The following KALRN variants were observed in gnomAD, a reference collection of about 807,000 sequenced individuals.
KALRN encodes kalirin.
Under a neutral mutation model 353.7 loss-of-function variants are expected in KALRN, and 70 were observed. The ratio of observed to expected loss-of-function variants is 0.20; its 90% CI spans 0.16 to 0.24. KALRN has a LOEUF of 0.24. KALRN is among the 10% of genes least tolerant of loss of function. The pLI is 1.00. For synonymous variants in KALRN, 1,391 were observed against 1,434.8 expected, an observed-to-expected ratio of 0.97 and a Z score of 0.69; for missense variants, 2,791 against 3,756.7, an observed-to-expected ratio of 0.74 and a Z score of 6.72.
intron 34 of KALRN, among the ~76,000 whole-genome samples, chr3:124,572,989 A>AT (rs2110079196): frequency 6.6e-6 from 1 of 152,268 alleles, no homozygotes; most frequent in South Asian, 2.1e-4. Context: ...GTGAGCTGCC[A>AT]TTGAGCCATT....
chr3:124,298,689 G>A, intron 5 of KALRN, 102 bp from the exon 6 acceptor site: 3 of 1,322,402 alleles, frequency 2.3e-6, no homozygotes, highest in Non-Finnish European at 3.2e-6. Flanking sequence ...TTCTCACTGA[G>A]CACCAGCAGG....
chr3:124,666,278 C>G (rs531468854), intron 45 of KALRN, among the ~76,000 whole-genome samples, 171 bp from the exon 46 acceptor site: 1 of 152,260 alleles, frequency 6.6e-6, no homozygotes, highest in African/African-American at 2.4e-5. Context: ...TGGCCAAGGT[C>G]GGCCCCTGGA....
At chr3:124,192,700 A>G (rs2075056973) in intron 1 of KALRN, among the ~76,000 whole-genome samples, 1 of 152,222 alleles carries the variant, frequency 6.6e-6, no homozygotes, top group African/African-American at 2.4e-5. Flanking sequence ...TATTGTACCT[A>G]CAAAGAGATA....
chr3:124,282,590 T>A, intron 5 of KALRN, among the ~76,000 whole-genome samples: 1 of 152,146 alleles, frequency 6.6e-6, no homozygotes, highest in Non-Finnish European at 1.5e-5. Flanking sequence ...TTGGTCAGGC[T>A]GGTCTTGAAC....
At chr3:124,109,038 C>T (rs1255866166) in intron 1 of KALRN, among the ~76,000 whole-genome samples, 1 of 152,188 alleles carries the variant, frequency 6.6e-6, no homozygotes, top group Non-Finnish European at 1.5e-5. Flanking sequence ...CCTTCTCCTG[C>T]TTCTCTTAAC....
Position 124,326,154 on chromosome 3 carries a change from C to T in KALRN, c.1267C>T (p.His423Tyr), listed in dbSNP as rs1321067563. ...CATCCTCGCCATGTCTGCTGTGTTC[C>T]ACCAGAAGGCTGAGCAGGTAAGGTG... ...STILAMSAVF[H>Y]QKAEQFLSGV... Residue 423 changes from histidine (H) to tyrosine (Y), a missense_variant, in exon 7 of 60, where the codon CAC becomes TAC. Transcript: ENST00000682506. 1 of 1,611,584 alleles carries T rather than the reference C, an allele frequency of 6.2e-7. No homozygotes were observed. The highest frequency in any genetic ancestry group is 1.3e-5 in the African/African-American group (1 of 74,894).
chr3:124,515,671 T>C (rs2066454269), intron 33 of KALRN, among the ~76,000 whole-genome samples: 1 of 152,216 alleles, frequency 6.6e-6, no homozygotes. Flanking sequence ...AACTCTAAGC[T>C]GAGAGCTGTT....
At chr3:124,140,795 G>C (rs897607890) in intron 1 of KALRN, among the ~76,000 whole-genome samples, 1 of 145,182 alleles carries the variant, frequency 6.9e-6, no homozygotes, top group Admixed American at 6.7e-5. Flanking sequence ...TTGCCCTCCC[G>C]GGGGGGGCAC....
intron 1 of KALRN, among the ~76,000 whole-genome samples, chr3:124,141,341 C>A (rs1421470678): frequency 6.6e-6 from 1 of 152,174 alleles, no homozygotes; most frequent in African/African-American, 2.4e-5. Flanking sequence ...TAGCCTCGCC[C>A]AACCCCACTT....
chr3:124,292,610 C>A (rs950256506), intron 5 of KALRN, among the ~76,000 whole-genome samples: 2 of 150,900 alleles, frequency 1.3e-5, no homozygotes, highest in Non-Finnish European at 3.0e-5. Flanking sequence ...GGACAGGCAC[C>A]TTTGGGCTGT....
At chr3:124,268,639 G>A in intron 4 of KALRN, 104 bp from the exon 5 acceptor site, 1 of 1,220,216 alleles carries the variant, frequency 8.2e-7, no homozygotes, top group South Asian at 1.4e-5. Flanking sequence ...GGCAGGCTGT[G>A]GTCATTATTA....
chr3:124,169,489 T>C lies in KALRN; in HGVS notation c.74-58501T>C, dbSNP rs557159795. 3.3e-5 allele frequency among the ~76,000 whole-genome samples: 5 copies of C among 152,246 alleles called. No individual in the cohort carries two copies. In the South Asian group the frequency reaches 6.2e-4, roughly 19 times the overall value. ...TCTTCAGCTGTGGGCTCTAGCTGCATAGGGCTTGATACTTGTGGGTAATTT... is the reference window on the plus strand; with the variant it reads ...TCTTCAGCTGTGGGCTCTAGCTGCACAGGGCTTGATACTTGTGGGTAATTT... On this transcript the variant is annotated intron_variant, in intron 1 of 59. Coordinates refer to ENST00000682506, the MANE Select transcript of KALRN (RefSeq NM_001388419.1).
chr3:124,678,609 C>T (rs1246932330), intron 50 of KALRN: 8 of 218,424 alleles, frequency 3.7e-5, no homozygotes, highest in Non-Finnish European at 4.6e-5. Context: ...ATGTGAGATG[C>T]TTGATTCATA....
intron 34 of KALRN, among the ~76,000 whole-genome samples, chr3:124,572,198 C>G (rs1004788329): frequency 1.3e-4 from 20 of 151,430 alleles, no homozygotes; most frequent in African/African-American, 4.6e-4. Context: ...GTGGCATGCA[C>G]CTGTGGTCCC....
chr3:124,230,554 A>G (rs1560297137), intron 2 of KALRN, among the ~76,000 whole-genome samples: 1 of 152,168 alleles, frequency 6.6e-6, no homozygotes. Context: ...GGCTTGTCCT[A>G]ATGGAGCTCA....
At chr3:124,282,051 C>G (rs1045092653) in intron 5 of KALRN, among the ~76,000 whole-genome samples, 1 of 152,090 alleles carries the variant, frequency 6.6e-6, no homozygotes, top group African/African-American at 2.4e-5. Context: ...TCCTTTTATA[C>G]TAATCCAAGT....
intron 34 of KALRN, among the ~76,000 whole-genome samples, chr3:124,605,376 C>G (rs1431367376): frequency 1.3e-5 from 2 of 151,828 alleles, no homozygotes; most frequent in African/African-American, 4.8e-5. Context: ...AGTTCAAGAC[C>G]AGCCTGGCCA....
chr3:124,107,528 C>A (rs912746017), intron 1 of KALRN, among the ~76,000 whole-genome samples: 1 of 152,196 alleles, frequency 6.6e-6, no homozygotes, highest in African/African-American at 2.4e-5. Flanking sequence ...CCCCCTAGAG[C>A]TTCTTTTCTA....
At chr3:124,281,856 G>C (rs762815289) in intron 5 of KALRN, among the ~76,000 whole-genome samples, 1 of 152,186 alleles carries the variant, frequency 6.6e-6, no homozygotes, top group Non-Finnish European at 1.5e-5. Context: ...GACACAGTCT[G>C]TACTCACTGG....
Sources: gnomAD v4.1 joint callset for allele counts (sites outside exome capture counted in the v4.1 genomes callset) on GRCh38, gnomAD v4.1.1 for gene constraint, MANE v1.5 for transcripts, NCBI Gene and HGNC (gene_info 2026-07-23, HGNC 2026-07-21) for gene names.